LPAR3: variants seen among roughly 807,000 people sequenced by gnomAD.
LPAR3 encodes LPA receptor 3.
Under a neutral mutation model 17.8 loss-of-function variants are expected in LPAR3, and 7 were observed. The observed-to-expected ratio is 0.39, with a 90% CI of 0.22 to 0.74. LPAR3 has a LOEUF of 0.74. Among genes scored for constraint, LPAR3 ranks in the 30% least tolerant of loss-of-function variants. The pLI is 0.40. For synonymous variants in LPAR3, 179 were observed against 179.9 expected, an observed-to-expected ratio of 0.99 and a Z score of 0.04; for missense variants, 391 against 453.4, an observed-to-expected ratio of 0.86 and a Z score of 1.25.
At position 84,813,160 on chromosome 1, in the gene LPAR3, GACACACAC is replaced by G. The variant is rs10610638; in HGVS notation, c.*678_*685del. ...ATATATATATATATATATATATATA[GACACACAC>G]ACACACACACACACACATGCATATA... On this transcript the variant is annotated 3_prime_UTR_variant, in exon 3 of 3. Coordinates refer to ENST00000370611, the MANE Select transcript of LPAR3 (RefSeq NM_012152.3). The G allele has an allele frequency of 1.0e-5, 1 of 99,524 alleles. No individual in the cohort carries two copies. The highest frequency in any genetic ancestry group is 4.4e-5 in the African/African-American group (1 of 22,608). 6.2% of individuals were successfully genotyped at this position (99,524 alleles called of 1,614,324 possible).
chr1:84,820,964 C>T (rs1420663112), intron 2 of LPAR3, among the ~76,000 whole-genome samples: 1 of 151,892 alleles, frequency 6.6e-6, no homozygotes, highest in East Asian at 1.9e-4. Flanking sequence ...CAGAAAACAT[C>T]AGAGTGCATC....
At chr1:84,885,365 A>G (rs1412214693) in intron 1 of LPAR3, among the ~76,000 whole-genome samples, 2 of 152,222 alleles carry the variant, frequency 1.3e-5, no homozygotes, top group African/African-American at 4.8e-5. Context: ...ACAAGCGGCT[A>G]TTACTTGCCA....
At chr1:84,884,512 A>G (rs910930848) in intron 1 of LPAR3, among the ~76,000 whole-genome samples, 1 of 152,234 alleles carries the variant, frequency 6.6e-6, no homozygotes, top group Non-Finnish European at 1.5e-5. Context: ...GAAAATCTAT[A>G]TAATCAAATG....
intron 2 of LPAR3, among the ~76,000 whole-genome samples, chr1:84,837,695 G>A (rs1164200947): frequency 6.6e-6 from 1 of 152,216 alleles, no homozygotes; most frequent in Non-Finnish European, 1.5e-5. Flanking sequence ...TGGTGGTAAT[G>A]AGATAAAGAA....
intron 2 of LPAR3, among the ~76,000 whole-genome samples, chr1:84,853,399 G>T (rs2102759934): frequency 6.6e-6 from 1 of 152,312 alleles, no homozygotes; most frequent in South Asian, 2.1e-4. Context: ...AGATTGGGAG[G>T]TCAGCTGGGG....
chr1:84,815,195 C>T (rs562310133), intron 2 of LPAR3, among the ~76,000 whole-genome samples: 8 of 152,264 alleles, frequency 5.3e-5, no homozygotes, highest in South Asian at 2.1e-4. Flanking sequence ...TTAAGAGACA[C>T]GATTTTGAAC....
chr1:84,817,131 C>G (rs562282863), intron 2 of LPAR3, among the ~76,000 whole-genome samples: 3 of 152,160 alleles, frequency 2.0e-5, no homozygotes, highest in African/African-American at 7.2e-5. Context: ...TTCTTTGAAC[C>G]CTGCTGGTTC....
Position 84,844,806 on chromosome 1 carries a change from C to T in LPAR3, c.736+20579G>A, listed in dbSNP as rs563736806. Among the ~76,000 whole-genome samples, 4 of 152,264 alleles carry T rather than the reference C, an allele frequency of 2.6e-5. No individual in the cohort carries two copies. In the South Asian group the frequency reaches 8.3e-4, roughly 32 times the overall value. On this transcript the variant is annotated intron_variant, in intron 2 of 2. Transcript: ENST00000370611. ...CTGTGAGTACTATACACACATACAA[C>T]CCCGACCCCGCCACAGTCTTTTATT...
intron 1 of LPAR3, among the ~76,000 whole-genome samples, chr1:84,883,278 G>A (rs868403666): frequency 6.6e-6 from 1 of 152,312 alleles, no homozygotes; most frequent in Middle Eastern, 3.4e-3. Flanking sequence ...TTGGGAAGAG[G>A]AGACCAAAGG....
chr1:84,885,125 AG>A lies in LPAR3; in HGVS notation c.-19+7890del, dbSNP rs534698892. ...ATCTGCATCAGTCATGACTTGGGGG[AG>A]GGGGGTACTATTGGCATCTACCGGG... On this transcript the variant is annotated intron_variant, in intron 1 of 2. Coordinates refer to ENST00000370611, the MANE Select transcript of LPAR3 (RefSeq NM_012152.3). Among the ~76,000 whole-genome samples the A allele has an allele frequency of 2.2e-3, 334 of 152,094 alleles. 1 individual carries two copies. Among genetic ancestry groups the A allele is most frequent in the African/African-American group, 7.9e-3 (326 of 41,470 alleles).
chr1:84,870,632 T>C (rs1420402145), intron 1 of LPAR3, among the ~76,000 whole-genome samples: 1 of 152,230 alleles, frequency 6.6e-6, no homozygotes, highest in Admixed American at 6.5e-5. Context: ...TGCCAGGTGC[T>C]GAACTAAGCA....
chr1:84,870,129 A>C (rs969024591), intron 1 of LPAR3, among the ~76,000 whole-genome samples: 1 of 152,234 alleles, frequency 6.6e-6, no homozygotes, highest in African/African-American at 2.4e-5. Context: ...CCCTTAAAAT[A>C]TGATTCTGTG....
At chr1:84,836,482 T>C (rs987698373) in intron 2 of LPAR3, among the ~76,000 whole-genome samples, 1 of 152,198 alleles carries the variant, frequency 6.6e-6, no homozygotes, top group Admixed American at 6.5e-5. Context: ...ATCTTCTGAA[T>C]GTGGTTAGAA....
chr1:84,873,062 CA>C (rs1428697192), intron 1 of LPAR3, among the ~76,000 whole-genome samples: 7 of 152,054 alleles, frequency 4.6e-5, no homozygotes, highest in Non-Finnish European at 1.0e-4. Flanking sequence ...TGGTACTCAT[CA>C]AAAACAAAGA....
chr1:84,888,663 T>G (rs760619542), intron 1 of LPAR3, among the ~76,000 whole-genome samples: 3 of 152,182 alleles, frequency 2.0e-5, no homozygotes, highest in African/African-American at 7.2e-5. Flanking sequence ...ATAAAGCAAA[T>G]ACACTGCTTT....
chr1:84,832,288 T>C (rs1171559664), intron 2 of LPAR3, among the ~76,000 whole-genome samples: 1 of 152,214 alleles, frequency 6.6e-6, no homozygotes, highest in Non-Finnish European at 1.5e-5. Context: ...TGTTTCTTCC[T>C]ACAATCATCA....
rs550488739 is a variant in LPAR3 at position 84,868,691 on chromosome 1, G to C, written c.-18-2553C>G. Among the ~76,000 whole-genome samples the C allele has an allele frequency of 2.6e-3, 401 of 152,204 alleles. 2 individuals are homozygous for C. The highest frequency in any genetic ancestry group is 3.3e-3 in the Non-Finnish European group (223 of 68,020). On this transcript the variant is annotated intron_variant, in intron 1 of 2. Coordinates refer to ENST00000370611, the MANE Select transcript of LPAR3 (RefSeq NM_012152.3). ...TAGTGCCCTTATTGAAGAGGCCTGAGAGAACTCGTGAGACCCTTTTTGCCA... is the reference window on the plus strand; with the variant it reads ...TAGTGCCCTTATTGAAGAGGCCTGACAGAACTCGTGAGACCCTTTTTGCCA...
At position 84,875,088 on chromosome 1, in the gene LPAR3, C is replaced by T. The variant is rs1218985516; in HGVS notation, c.-18-8950G>A. ...CTAGTTTTTGTATTTTTAGTAGAGACGGGGTTTCACCATGTTGGCCAGGCT... is the reference window on the plus strand; with the variant it reads ...CTAGTTTTTGTATTTTTAGTAGAGATGGGGTTTCACCATGTTGGCCAGGCT... On this transcript the variant is annotated intron_variant, in intron 1 of 2. Transcript: ENST00000370611. 1.3e-4 allele frequency among the ~76,000 whole-genome samples: 20 copies of T among 151,990 alleles called. No individual in the cohort carries two copies. In the East Asian group the frequency reaches 2.9e-3, roughly 22 times the overall value.
At chr1:84,854,733 T>C (rs1659786492) in intron 2 of LPAR3, among the ~76,000 whole-genome samples, 1 of 152,110 alleles carries the variant, frequency 6.6e-6, no homozygotes. Flanking sequence ...AAGAATAAAA[T>C]AGGTTCACCA....
Sources: gnomAD v4.1 joint callset for allele counts (sites outside exome capture counted in the v4.1 genomes callset) on GRCh38, gnomAD v4.1.1 for gene constraint, MANE v1.5 for transcripts, NCBI Gene and HGNC (gene_info 2026-07-23, HGNC 2026-07-21) for gene names.